ACSS1: variants seen among roughly 807,000 people sequenced by gnomAD.
ACSS1 encodes acetyl-coenzyme A synthetase 2-like, mitochondrial.
In ACSS1, 42 loss-of-function variants were observed where a neutral mutation model predicts 75.3. That is an observed-to-expected ratio of 0.56 (90% CI 0.44 to 0.72). The LOEUF (loss-of-function observed/expected upper bound fraction) is 0.72, where lower values mean the gene tolerates loss of function less well. ACSS1 is among the 30% of genes least tolerant of loss of function. ACSS1 has a pLI of 0.00. For missense variants in ACSS1, 782 were observed against 935.7 expected, an observed-to-expected ratio of 0.84 and a Z score of 2.14; for synonymous variants, 380 against 376.8, an observed-to-expected ratio of 1.01 and a Z score of -0.10.
Position 25,036,985 on chromosome 20 carries a change from A to AGG in ACSS1, c.432-6028_432-6027insCC, listed in dbSNP as rs2088919220. 3.9e-3 allele frequency among the ~76,000 whole-genome samples: 426 copies of AGG among 108,526 alleles called. 2 individuals are homozygous for AGG. Among genetic ancestry groups the AGG allele is most frequent in the African/African-American group, 0.015 (399 of 26,636 alleles). The allele number at this position is 108,526 out of a possible 152,430, so 71.2% of individuals were successfully genotyped here. On this transcript the variant is annotated intron_variant, in intron 2 of 13. Coordinates refer to ENST00000323482, the MANE Select transcript of ACSS1 (RefSeq NM_032501.4). ...AAAAAAGAAGAAGAAGAAAGAAAGA[A>AGG]AAAGAAAGAAAGAAGAAAGAAAGGA...
chr20:25,032,615 C>T (rs889460246), intron 2 of ACSS1: 2 of 1,231,736 alleles, frequency 1.6e-6, no homozygotes, highest in East Asian at 6.3e-5. Context: ...TCTGCAGGGG[C>T]CCAGAAAGCA....
chr20:25,046,880 T>G (rs565796183), intron 2 of ACSS1: 1 of 779,432 alleles, frequency 1.3e-6, no homozygotes, highest in African/African-American at 1.7e-5. Context: ...GGACTAGAGA[T>G]AAGAAATGCG....
chr20:25,029,006 A>G (rs2088777680), intron 3 of ACSS1, among the ~76,000 whole-genome samples: 1 of 152,218 alleles, frequency 6.6e-6, no homozygotes, highest in Non-Finnish European at 1.5e-5. Flanking sequence ...CAAAGACACA[A>G]GCAACAAAAT....
Position 25,012,789 on chromosome 20 carries a change from G to A in ACSS1, c.1707+23C>T, listed in dbSNP as rs370624201. 114 of 1,613,638 alleles carry A rather than the reference G, an allele frequency of 7.1e-5. No homozygotes were observed. The African/African-American group carries it at 1.5e-3, about 21-fold the overall frequency. On this transcript the variant is annotated intron_variant, in intron 11 of 13. Coordinates refer to ENST00000323482, the MANE Select transcript of ACSS1 (RefSeq NM_032501.4). The stretch of plus-strand genomic sequence containing the variant: ...GCATCATGGAGGTGTAGGAGTGAAG[G>A]AGGAGGCCCAGCCTGTGCTCACGAT...
At chr20:25,020,769 A>G (rs776962611) in intron 6 of ACSS1, among the ~76,000 whole-genome samples, 22 of 152,276 alleles carry the variant, frequency 1.4e-4, no homozygotes, top group Non-Finnish European at 2.9e-4. Context: ...GAGCACTGGG[A>G]GGTGATAACA....
Position 25,047,959 on chromosome 20 carries a change from G to C in ACSS1, c.431+126C>G, listed in dbSNP as rs1330894028. 9 of 696,386 alleles carry C rather than the reference G, an allele frequency of 1.3e-5. No homozygotes were observed. The East Asian group carries it at 2.5e-4, about 19-fold the overall frequency. The allele number at this position is 696,386 out of a possible 1,614,324, so 43.1% of individuals were successfully genotyped here. Reference sequence around the variant, plus strand: ...GTTCACATTTACTTTTCCTGGATAAGAGAGCACTTGCAAAGCCAAAATGCA... The same window carrying C: ...GTTCACATTTACTTTTCCTGGATAACAGAGCACTTGCAAAGCCAAAATGCA... On this transcript the variant is annotated intron_variant, in intron 2 of 13. Coordinates refer to ENST00000323482, the MANE Select transcript of ACSS1 (RefSeq NM_032501.4).
intron 2 of ACSS1, among the ~76,000 whole-genome samples, chr20:25,042,898 A>G (rs897519152): frequency 6.6e-6 from 1 of 151,962 alleles, no homozygotes; most frequent in African/African-American, 2.4e-5. Flanking sequence ...TTCATCCCAC[A>G]TGCCCCTCTC....
At position 25,022,920 on chromosome 20, in the gene ACSS1, C is replaced by G. The variant is rs1233457724; in HGVS notation, c.960+20G>C. ...CTGGATCCCTGCCAAGGGCCCAGCA[C>G]CGCCCGCACAGGCCTGTACCTTGTG... On this transcript the variant is annotated intron_variant, in intron 5 of 13. Coordinates refer to ENST00000323482, the MANE Select transcript of ACSS1 (RefSeq NM_032501.4). 1 of 1,592,890 alleles carries G rather than the reference C, an allele frequency of 6.3e-7. No homozygotes were observed. Among genetic ancestry groups the G allele is most frequent in the South Asian group, 1.1e-5 (1 of 88,660 alleles).
At chr20:25,025,312 T>C (rs62217175) in intron 3 of ACSS1, among the ~76,000 whole-genome samples, 19,485 of 152,224 alleles carry the variant, frequency 0.13, 1,466 homozygotes, top group Middle Eastern at 0.23. Flanking sequence ...CCCAGGAGCT[T>C]CTGAGCACCA....
chr20:25,023,169 G>A, intron 4 of ACSS1, 77 bp from the exon 5 acceptor site: 1 of 1,504,438 alleles, frequency 6.6e-7, no homozygotes, highest in Non-Finnish European at 8.9e-7. Context: ...TCCGCAGCAG[G>A]ACTCCACACA....
At chr20:25,033,866 G>A (rs1443880871) in intron 2 of ACSS1, among the ~76,000 whole-genome samples, 1 of 152,190 alleles carries the variant, frequency 6.6e-6, no homozygotes, top group Admixed American at 6.5e-5. Flanking sequence ...CCCTATAGGG[G>A]CAGAAGTCAC....
Position 25,012,879 on chromosome 20 carries a change from C to T in ACSS1, c.1640G>A (p.Gly547Glu). The change falls in exon 11 of 14, where the codon GGG becomes GAG. Residue 547 changes from glycine (G) to glutamate (E), a missense_variant. Physicochemically the swap from Gly to Glu is moderately conservative, Grantham distance 98. This residue lies in a region of ACSS1 where 405 missense variants were observed against 552.6 expected (regional missense o/e 0.73). Transcript: ENST00000323482. Reference sequence around the variant, plus strand: ...GATGTTGATGACATCATCCATCCGCCCTGTGATCTGGTAATAGCCGCCCTC... The same window carrying T: ...GATGTTGATGACATCATCCATCCGCTCTGTGATCTGGTAATAGCCGCCCTC... ...RTEGGYYQITGRMDDVINISG... is the reference protein window; with the variant it reads ...RTEGGYYQITERMDDVINISG... The T allele has an allele frequency of 3.7e-6, 6 of 1,614,162 alleles. No homozygotes were observed. The highest frequency in any genetic ancestry group is 5.1e-6 in the Non-Finnish European group (6 of 1,180,044).
intron 1 of ACSS1, among the ~76,000 whole-genome samples, chr20:25,048,437 C>G (rs1384961801): frequency 1.3e-5 from 2 of 152,210 alleles, no homozygotes; most frequent in Non-Finnish European, 2.9e-5. Flanking sequence ...CCAACCCTGG[C>G]TGCATATTGG....
chr20:25,042,617 T>A (rs1296659011), intron 2 of ACSS1, among the ~76,000 whole-genome samples: 2 of 151,990 alleles, frequency 1.3e-5, no homozygotes, highest in African/African-American at 4.8e-5. Flanking sequence ...GTAATTAACT[T>A]GGGAGGTGAG....
chr20:25,024,640 G>A (rs1393909704), intron 3 of ACSS1, among the ~76,000 whole-genome samples: 2 of 152,194 alleles, frequency 1.3e-5, no homozygotes, highest in Non-Finnish European at 2.9e-5. Context: ...AGCCATTTGA[G>A]GCATGTGTGC....
intron 2 of ACSS1, among the ~76,000 whole-genome samples, chr20:25,040,221 G>A (rs146886786): frequency 4.6e-4 from 70 of 152,200 alleles, no homozygotes; most frequent in South Asian, 1.9e-3. Context: ...CCTCTGTTCC[G>A]TCTCTCTGAA....
chr20:25,053,387 G>C (rs1002179076), intron 1 of ACSS1, among the ~76,000 whole-genome samples: 2 of 151,920 alleles, frequency 1.3e-5, no homozygotes, highest in African/African-American at 4.8e-5. Context: ...TCTTTTAATA[G>C]CAATCTTCCC....
Position 25,007,816 on chromosome 20 carries a change from T to C in ACSS1, c.2016A>G (p.Ala672=). ...TTTLEDPSII[A]EILSVYQKCK... Reference sequence around the variant, plus strand: ...ACTTCTGGTAGACACTCAGGATCTCTGCGATGATGCTGGGGTCCTCCAAGG... The same window carrying C: ...ACTTCTGGTAGACACTCAGGATCTCCGCGATGATGCTGGGGTCCTCCAAGG... The change falls in exon 14 of 14, where the codon GCA becomes GCG. Residue 672 remains alanine, a synonymous_variant. Coordinates refer to ENST00000323482, the MANE Select transcript of ACSS1 (RefSeq NM_032501.4). The C allele has an allele frequency of 6.2e-7, 1 of 1,614,172 alleles. No homozygotes were observed. Among genetic ancestry groups the C allele is most frequent in the East Asian group, 2.2e-5 (1 of 44,868 alleles).
intron 2 of ACSS1, chr20:25,031,218 G>A (rs1006589344): frequency 5.5e-6 from 3 of 540,984 alleles, no homozygotes; most frequent in African/African-American, 3.9e-5. Flanking sequence ...CTTACGGCAG[G>A]GTTTTTTTAG....
Sources: gnomAD v4.1 joint callset for allele counts (sites outside exome capture counted in the v4.1 genomes callset) on GRCh38, gnomAD v4.1.1 for gene constraint, gnomAD v4.1.1 regional missense constraint, MANE v1.5 for transcripts, NCBI Gene and HGNC (gene_info 2026-07-23, HGNC 2026-07-21) for gene names.